RUNDC3B: variants seen among roughly 807,000 people sequenced by gnomAD.
The protein encoded by RUNDC3B is RUN domain-containing protein 3B.
RUNDC3B carries 33 observed loss-of-function variants against 58.4 expected under a neutral mutation model. The observed-to-expected ratio is 0.56, with a 90% CI of 0.43 to 0.75. RUNDC3B has a LOEUF of 0.75. Ranked by LOEUF, RUNDC3B falls within the 30% of genes least tolerant of loss-of-function variation. The pLI is 0.00. For missense variants in RUNDC3B, 501 were observed against 535.7 expected (o/e 0.94, Z 0.64); for synonymous variants, 193 against 195.2 (o/e 0.99, Z 0.10).
At chr7:87,796,417 C>T (rs1323085546) in intron 8 of RUNDC3B, among the ~76,000 whole-genome samples, 1 of 151,738 alleles carries the variant, frequency 6.6e-6, no homozygotes, top group East Asian at 1.9e-4. Flanking sequence ...AGATTATAGT[C>T]AATAATAATC....
intron 3 of RUNDC3B, among the ~76,000 whole-genome samples, chr7:87,707,277 T>C (rs759287898): frequency 2.0e-5 from 3 of 152,138 alleles, no homozygotes; most frequent in Non-Finnish European, 2.9e-5. Flanking sequence ...CTATGGGTGA[T>C]AGAGACTTTG....
intron 2 of RUNDC3B, among the ~76,000 whole-genome samples, chr7:87,678,284 G>T (rs1483295838): frequency 2.0e-5 from 3 of 152,142 alleles, no homozygotes; most frequent in African/African-American, 4.8e-5. Context: ...AAAATTTATG[G>T]CATTGCTGGG....
intron 6 of RUNDC3B, among the ~76,000 whole-genome samples, chr7:87,759,883 T>C (rs1438356665): frequency 6.6e-6 from 1 of 152,022 alleles, no homozygotes; most frequent in East Asian, 1.9e-4. Flanking sequence ...AAACATCATA[T>C]GTACCCCATA....
At chr7:87,722,194 T>C (rs188691872) in intron 4 of RUNDC3B, among the ~76,000 whole-genome samples, 17 of 152,216 alleles carry the variant, frequency 1.1e-4, no homozygotes, top group African/African-American at 3.6e-4. Flanking sequence ...CTTATACTTA[T>C]CATTTTTTGT....
chr7:87,739,658 TA>T (rs1832196945), intron 4 of RUNDC3B, 132 bp from the exon 5 acceptor site: 2 of 416,072 alleles, frequency 4.8e-6, no homozygotes, highest in South Asian at 1.4e-4. Flanking sequence ...GTGATGGAAA[TA>T]TGTTTTTTTT....
intron 6 of RUNDC3B, among the ~76,000 whole-genome samples, chr7:87,757,214 T>A (rs1199793618): frequency 6.6e-6 from 1 of 152,168 alleles, no homozygotes; most frequent in Non-Finnish European, 1.5e-5. Context: ...ATTGTTTTTT[T>A]ATTTTACTCT....
intron 2 of RUNDC3B, among the ~76,000 whole-genome samples, chr7:87,654,459 G>A (rs552053119): frequency 6.6e-6 from 1 of 152,136 alleles, no homozygotes; most frequent in Admixed American, 6.6e-5. Context: ...TTCAACAGAA[G>A]TGCCAAAACA....
chr7:87,703,915 T>TTTTTTTTTTTTTG (rs1829352295), intron 3 of RUNDC3B, among the ~76,000 whole-genome samples: 1 of 18,530 alleles, frequency 5.4e-5, no homozygotes, highest in African/African-American at 2.1e-4. Flanking sequence ...TTTTTTTTGG[T>TTTTTTTTTTTTTG]TTTTTTTTTT....
At chr7:87,637,104 C>G (rs1487054268) in intron 1 of RUNDC3B, among the ~76,000 whole-genome samples, 2 of 152,194 alleles carry the variant, frequency 1.3e-5, no homozygotes, top group Non-Finnish European at 2.9e-5. Context: ...TACCTCCCAT[C>G]TGCTCCCTCC....
chr7:87,811,339 AT>A (rs199840492), intron 9 of RUNDC3B, among the ~76,000 whole-genome samples: 496 of 143,760 alleles, frequency 3.5e-3, no homozygotes, highest in African/African-American at 3.6e-3. Flanking sequence ...TAGGCTTTTA[AT>A]TTTTTTTTTT....
At chr7:87,794,633 A>G (rs143075690) in intron 8 of RUNDC3B, among the ~76,000 whole-genome samples, 1 of 152,068 alleles carries the variant, frequency 6.6e-6, no homozygotes, top group Non-Finnish European at 1.5e-5. Context: ...AACAAAAAAA[A>G]AAAAAACCTA....
At chr7:87,817,608 C>T (rs1303195755) in intron 10 of RUNDC3B, among the ~76,000 whole-genome samples, 1 of 152,142 alleles carries the variant, frequency 6.6e-6, no homozygotes, top group Non-Finnish European at 1.5e-5. Flanking sequence ...TTTCTTAAGG[C>T]CTTTGCGTGG....
intron 9 of RUNDC3B, among the ~76,000 whole-genome samples, chr7:87,815,705 T>C (rs1836990007): frequency 6.6e-6 from 1 of 152,104 alleles, no homozygotes; most frequent in African/African-American, 2.4e-5. Context: ...TCTGTAATAA[T>C]GTCAAGGCCA....
intron 10 of RUNDC3B, among the ~76,000 whole-genome samples, chr7:87,826,870 C>T (rs1837841864): frequency 6.6e-6 from 1 of 151,962 alleles, no homozygotes; most frequent in Admixed American, 6.6e-5. Flanking sequence ...ATGAAACAAA[C>T]TAGAAAGGGA....
chr7:87,811,751 C>G (rs1466432518), intron 9 of RUNDC3B, among the ~76,000 whole-genome samples: 1 of 152,160 alleles, frequency 6.6e-6, no homozygotes, highest in East Asian at 1.9e-4. Context: ...CTGCAGAAAT[C>G]TTTTACAACT....
At chr7:87,818,442 T>C (rs1343259288) in intron 10 of RUNDC3B, among the ~76,000 whole-genome samples, 1 of 152,176 alleles carries the variant, frequency 6.6e-6, no homozygotes, top group Non-Finnish European at 1.5e-5. Context: ...GGAAACATGT[T>C]CTCATGATGA....
chr7:87,825,017 G>T (rs965210160), intron 10 of RUNDC3B, among the ~76,000 whole-genome samples: 2 of 151,916 alleles, frequency 1.3e-5, no homozygotes, highest in Non-Finnish European at 2.9e-5. Context: ...TGATAGAAAA[G>T]AAAATACCTC....
At chr7:87,637,756 G>A (rs145913306) in intron 1 of RUNDC3B, among the ~76,000 whole-genome samples, 1 of 151,720 alleles carries the variant, frequency 6.6e-6, no homozygotes, top group Non-Finnish European at 1.5e-5. Flanking sequence ...TTAAAATACT[G>A]GTCTTATATC....
At chr7:87,657,164 G>A (rs1034931249) in intron 2 of RUNDC3B, among the ~76,000 whole-genome samples, 1 of 152,092 alleles carries the variant, frequency 6.6e-6, no homozygotes, top group African/African-American at 2.4e-5. Flanking sequence ...ACTGGTTAAG[G>A]ACACTAGAAC....
Sources: allele counts gnomAD v4.1 joint callset (sites outside exome capture counted in the v4.1 genomes callset), GRCh38; gene constraint gnomAD v4.1.1; transcripts MANE v1.5; gene names NCBI Gene and HGNC (gene_info 2026-07-23, HGNC 2026-07-21).